The following MCM5 variants were observed in gnomAD, a reference collection of about 807,000 sequenced individuals.
MCM5 encodes minichromosome maintenance complex component 5.
Under a neutral mutation model 79.9 loss-of-function variants are expected in MCM5, and 46 were observed. The ratio of observed to expected loss-of-function variants is 0.58; its 90% CI spans 0.45 to 0.74. The LOEUF is 0.74. Among genes scored for constraint, MCM5 ranks in the 30% least tolerant of loss-of-function variants. The pLI is 0.00. For missense variants in MCM5, 883 were observed against 1,017.0 expected (o/e 0.87, Z 1.79); for synonymous variants, 404 against 390.5 (o/e 1.03, Z -0.41).
chr22:35,433,380 C>T, the MCM5 span, among the ~76,000 whole-genome samples: 1 of 152,188 alleles, frequency 6.6e-6, no homozygotes, highest in Admixed American at 6.5e-5. Flanking sequence ...GATGAGATCA[C>T]AGCCCTGACT....
the MCM5 span, among the ~76,000 whole-genome samples, chr22:35,434,422 T>A: frequency 1.3e-5 from 2 of 152,176 alleles, no homozygotes; most frequent in Non-Finnish European, 2.9e-5. Flanking sequence ...AAAGAGCTTT[T>A]TTCTCTCAGT....
At chr22:35,415,255 C>T (rs133420) in intron 9 of MCM5, among the ~76,000 whole-genome samples, 17,359 of 152,140 alleles carry the variant, frequency 0.11, 1,279 homozygotes, top group African/African-American at 0.2. Flanking sequence ...CTGTTTAACT[C>T]GCTATATCTA....
intron 13 of MCM5, among the ~76,000 whole-genome samples, chr22:35,418,532 C>T (rs956463135): frequency 6.6e-6 from 1 of 151,950 alleles, no homozygotes; most frequent in Non-Finnish European, 1.5e-5. Context: ...TGGTGGTGCA[C>T]ACCTATAGTC....
intron 4 of MCM5, among the ~76,000 whole-genome samples, chr22:35,404,557 A>G (rs989606606): frequency 2.1e-4 from 32 of 152,358 alleles, no homozygotes; most frequent in African/African-American, 7.5e-4. Flanking sequence ...ATACCGGGCA[A>G]GAACGCTTAT....
chr22:35,400,759 C>T (rs546632363), intron 2 of MCM5, among the ~76,000 whole-genome samples, 154 bp downstream of exon 2: 3 of 152,324 alleles, frequency 2.0e-5, no homozygotes, highest in South Asian at 2.1e-4. Flanking sequence ...GGCAGCCTCA[C>T]GCCTTGGTAT....
At chr22:35,410,551 G>A (rs1932348637) in intron 6 of MCM5, 193 bp from the exon 7 acceptor site, 1 of 605,014 alleles carries the variant, frequency 1.7e-6, no homozygotes, top group Non-Finnish European at 3.0e-6. Flanking sequence ...CCAAGCAGCT[G>A]AGCATGGGCT....
chr22:35,412,183 A>T (rs1478929002), intron 7 of MCM5, among the ~76,000 whole-genome samples: 1 of 152,172 alleles, frequency 6.6e-6, no homozygotes, highest in Non-Finnish European at 1.5e-5. Flanking sequence ...CCAGTGAGCG[A>T]TGCTGTCATG....
chr22:35,447,031 A>G, the MCM5 span, among the ~76,000 whole-genome samples: 14 of 152,194 alleles, frequency 9.2e-5, no homozygotes, highest in African/African-American at 3.4e-4. Flanking sequence ...GCGCTTCTCT[A>G]GGACAGAACC....
chr22:35,405,945 A>T (rs562368055), intron 4 of MCM5, among the ~76,000 whole-genome samples: 21 of 151,654 alleles, frequency 1.4e-4, no homozygotes, highest in African/African-American at 5.1e-4. Flanking sequence ...CGGGAGGCGG[A>T]GGTTGCAGTA....
intron 4 of MCM5, among the ~76,000 whole-genome samples, chr22:35,405,568 T>C (rs955826388): frequency 6.6e-6 from 1 of 152,030 alleles, no homozygotes; most frequent in Non-Finnish European, 1.5e-5. Flanking sequence ...GGATTCACCA[T>C]GTTGGCCAGG....
At chr22:35,434,823 C>T in the MCM5 span, among the ~76,000 whole-genome samples, 126 of 152,260 alleles carry the variant, frequency 8.3e-4, no homozygotes, top group Non-Finnish European at 1.5e-3. Context: ...TTTACCCCGA[C>T]AATGCTTTGG....
intron 7 of MCM5, among the ~76,000 whole-genome samples, chr22:35,412,240 T>C (rs1300169378): frequency 6.6e-6 from 1 of 152,156 alleles, no homozygotes; most frequent in East Asian, 1.9e-4. Context: ...GACCTTCCAG[T>C]GGTTTCCAAG....
chr22:35,414,631 T>A (rs1012444275), intron 9 of MCM5, among the ~76,000 whole-genome samples: 6 of 149,184 alleles, frequency 4.0e-5, no homozygotes, highest in South Asian at 2.1e-4. Context: ...ATAATAATAA[T>A]AAATAATAAT....
chr22:35,402,752 C>T (rs1162172352), intron 2 of MCM5, among the ~76,000 whole-genome samples: 1 of 152,148 alleles, frequency 6.6e-6, no homozygotes, highest in Non-Finnish European at 1.5e-5. Flanking sequence ...CCATGTGGCC[C>T]AGGCTGGTGT....
chr22:35,416,155 A>G (rs1158576719), intron 10 of MCM5, among the ~76,000 whole-genome samples, 183 bp downstream of exon 10: 1 of 152,112 alleles, frequency 6.6e-6, no homozygotes, highest in Non-Finnish European at 1.5e-5. Flanking sequence ...ATATCTGAAG[A>G]GTGGGGAGAA....
Position 35,406,704 on chromosome 22 carries a change from C to T in MCM5, c.575C>T (p.Ala192Val). The change falls in exon 5 of 17, where the codon GCC becomes GTC. Residue 192 changes from alanine (A) to valine (V), a missense_variant. Transcript: ENST00000216122. ...IAMRPGLEGY[A>V]LPRKCNTDQA... is the part of the protein sequence containing the mutation. ...ATGCGCCCTGGCCTCGAGGGCTATG[C>T]CCTGCCCAGGAAGTGCAACACGTGA... 3 of 1,608,794 alleles carry T rather than the reference C, an allele frequency of 1.9e-6. No individual in the cohort carries two copies. The highest frequency in any genetic ancestry group is 1.1e-5 in the South Asian group (1 of 91,068).
Position 35,400,162 on chromosome 22 carries a change from G to A in MCM5, c.-55G>A. On this transcript the variant is annotated 5_prime_UTR_variant, in exon 1 of 17. It adds an upstream start codon to the 5' untranslated region. Transcript: ENST00000216122. Reference sequence around the variant, plus strand: ...TTCCCGCGAAACTCGGCGGCTGAGCGTGGAGGTTCTTGTCTCCCCTGGTTT... The same window carrying A: ...TTCCCGCGAAACTCGGCGGCTGAGCATGGAGGTTCTTGTCTCCCCTGGTTT... 2 of 439,528 alleles carry A rather than the reference G, an allele frequency of 4.6e-6. No homozygotes were observed. Among genetic ancestry groups the A allele is most frequent in the South Asian group, 2.3e-5 (1 of 43,098 alleles). The allele number at this position is 439,528 out of a possible 1,614,324, so 27.2% of individuals were successfully genotyped here.
chr22:35,423,196 A>G lies in MCM5; in HGVS notation c.1976-18A>G. 3.9e-6 allele frequency: 6 copies of G among 1,544,372 alleles called. No individual in the cohort carries two copies. Among genetic ancestry groups the G allele is most frequent in the Non-Finnish European group, 4.4e-6 (5 of 1,137,708 alleles). Reference sequence around the variant, plus strand: ...ATTGTCCCAGCTCCCCGGCTGCCTCACTTCTCCATGCCCACAGGGGTGGAG... The same window carrying G: ...ATTGTCCCAGCTCCCCGGCTGCCTCGCTTCTCCATGCCCACAGGGGTGGAG... On this transcript the variant is annotated intron_variant, in intron 15 of 16. Coordinates refer to ENST00000216122, the MANE Select transcript of MCM5 (RefSeq NM_006739.4).
Position 35,400,516 on chromosome 22 carries a change from C to G in MCM5, c.78C>G (p.Ala26=), listed in dbSNP as rs1429706131. The G allele has an allele frequency of 6.2e-7, 1 of 1,614,088 alleles. No homozygotes were observed. The highest frequency in any genetic ancestry group is 8.5e-7 in the Non-Finnish European group (1 of 1,179,980). Residue 26 remains alanine, a synonymous_variant, in exon 2 of 17, where the codon GCC becomes GCG. Transcript: ENST00000216122. ...GGDAQADEGQ[A]RKSQLQRRFK... is the part of the protein sequence containing the mutation. ...ACGCCCAGGCCGACGAGGGGCAGGC[C>G]CGCAAATCGCAGCTGCAGAGGCGCT...
Sources: allele counts gnomAD v4.1 joint callset (sites outside exome capture counted in the v4.1 genomes callset), GRCh38; gene constraint gnomAD v4.1.1; transcripts MANE v1.5; gene names NCBI Gene and HGNC (gene_info 2026-07-23, HGNC 2026-07-21).